The following SLC28A1 variants were observed in gnomAD, a reference collection of about 807,000 sequenced individuals.
SLC28A1 encodes the protein solute carrier family 28 member 1.
A neutral mutation model predicts 74.8 loss-of-function variants in SLC28A1; 64 were observed. The ratio of observed to expected loss-of-function variants is 0.86; its 90% CI spans 0.70 to 1.05. The LOEUF (loss-of-function observed/expected upper bound fraction) is 1.05. SLC28A1 is among the 50% of genes least tolerant of loss of function. SLC28A1 has a pLI of 0.00. For missense variants in SLC28A1, 828 were observed against 822.8 expected (o/e 1.01, Z -0.08); for synonymous variants, 359 against 335.0 (o/e 1.07, Z -0.78).
chr15:84,951,120 A>T, the SLC28A1 span, among the ~76,000 whole-genome samples: 1 of 152,168 alleles, frequency 6.6e-6, no homozygotes, highest in Non-Finnish European at 1.5e-5. Context: ...TGGACCATGA[A>T]GACAAAGGCA....
intron 15 of SLC28A1, chr15:84,939,704 T>G (rs761196420): frequency 6.6e-6 from 1 of 152,184 alleles, no homozygotes; most frequent in Non-Finnish European, 1.5e-5. Context: ...TTTTAATATA[T>G]GTGCACAAGA....
At chr15:84,960,228 C>CTTTTTTTTTTTTTTTTT in the SLC28A1 span, among the ~76,000 whole-genome samples, 1 of 85,588 alleles carries the variant, frequency 1.2e-5, no homozygotes, top group East Asian at 3.6e-4. Context: ...TGCCTGCCTG[C>CTTTTTTTTTTTTTTTTT]TTTTTTTTTT....
downstream of SLC28A1, among the ~76,000 whole-genome samples, chr15:84,948,802 C>T (rs1216493450): frequency 6.6e-6 from 1 of 152,190 alleles, no homozygotes; most frequent in African/African-American, 2.4e-5. Flanking sequence ...TTTGCTTAAA[C>T]CTCATCAAGA....
At chr15:84,912,453 G>T (rs1289169617) in intron 9 of SLC28A1, among the ~76,000 whole-genome samples, 1 of 152,122 alleles carries the variant, frequency 6.6e-6, no homozygotes, top group African/African-American at 2.4e-5. Flanking sequence ...GGCTTCTTCA[G>T]CCCTCAGCTT....
chr15:84,966,985 T>C, the SLC28A1 span, among the ~76,000 whole-genome samples: 1 of 152,174 alleles, frequency 6.6e-6, no homozygotes, highest in Non-Finnish European at 1.5e-5. Context: ...CTTGCTATGT[T>C]GCCCAGGTTG....
downstream of SLC28A1, among the ~76,000 whole-genome samples, chr15:84,948,588 G>T (rs1368545236): frequency 6.6e-6 from 1 of 152,162 alleles, no homozygotes; most frequent in African/African-American, 2.4e-5. Flanking sequence ...TGGGGCTATG[G>T]CTTGGAGCTG....
rs1970938196 is a variant in SLC28A1, at chr15:84,928,736, G to A, written c.1084-4409G>A. On this transcript the variant is annotated intron_variant, in intron 12 of 18. Transcript: ENST00000394573. ...CCTCCCAGGTTCAAGCAATTCTCCT[G>A]CCTCAGCCTCCCAAGTAGCTGGGAT... 3.3e-5 allele frequency among the ~76,000 whole-genome samples: 5 copies of A among 150,670 alleles called. No homozygotes were observed. The South Asian group carries it at 1.1e-3, about 32-fold the overall frequency.
chr15:84,929,543 CAAA>C (rs58184497), intron 12 of SLC28A1, among the ~76,000 whole-genome samples: 68,464 of 144,394 alleles, frequency 0.47, 16,743 homozygotes, highest in East Asian at 0.85. Context: ...GACTCTGTTT[CAAA>C]AAAAAAAAAA....
chr15:84,891,590 C>A (rs1965374851), intron 5 of SLC28A1, among the ~76,000 whole-genome samples: 1 of 152,100 alleles, frequency 6.6e-6, no homozygotes, highest in South Asian at 2.1e-4. Context: ...TGGCGGCAGC[C>A]AAAGGAGCAA....
chr15:84,902,731 G>GTTTTTTTTTTTTT (rs200395938), intron 6 of SLC28A1, among the ~76,000 whole-genome samples: 2 of 140,010 alleles, frequency 1.4e-5, no homozygotes, highest in Non-Finnish European at 1.6e-5. Context: ...AAGCATTTAA[G>GTTTTTTTTTTTTT]TTTTTTTTTT....
chr15:84,944,557 C>G lies in SLC28A1; in HGVS notation c.1664-9C>G. On this transcript the variant is annotated splice_polypyrimidine_tract_variant and intron_variant, in intron 16 of 18. Transcript: ENST00000394573. ...TTCCCAGGCCCTGAGCACTTCTGTCCCCTTGCAGCCTCCATGGTCCCCCAA... is the reference window on the plus strand; with the variant it reads ...TTCCCAGGCCCTGAGCACTTCTGTCGCCTTGCAGCCTCCATGGTCCCCCAA... The G allele has an allele frequency of 6.2e-7, 1 of 1,604,910 alleles. No homozygotes were observed. Among genetic ancestry groups the G allele is most frequent in the Admixed American group, 1.7e-5 (1 of 60,018 alleles).
At position 84,899,940 on chromosome 15, in the gene SLC28A1, A is replaced by G. The variant is rs756062397; in HGVS notation, c.462-4157A>G. ...GAGGGAAAGAGGGAAAGAAAGAAAG[A>G]AAGGAAGGAAGGAAGGAAGGAAGGA... On this transcript the variant is annotated intron_variant, in intron 6 of 18. Coordinates refer to ENST00000394573, the MANE Select transcript of SLC28A1 (RefSeq NM_004213.5). Among the ~76,000 whole-genome samples the G allele has an allele frequency of 4.5e-3, 620 of 136,906 alleles. 7 individuals carry two copies. Among genetic ancestry groups the G allele is most frequent in the African/African-American group, 0.015 (544 of 37,430 alleles). 89.8% of individuals were successfully genotyped at this position (136,906 alleles called of 152,430 possible).
Position 84,945,387 on chromosome 15 carries a change from CAT to C in SLC28A1, c.*188_*189del. 1.5e-6 allele frequency: 1 copy of C among 650,704 alleles called. No homozygotes were observed. 40.3% of individuals were successfully genotyped at this position (650,704 alleles called of 1,614,324 possible). On this transcript the variant is annotated 3_prime_UTR_variant, in exon 19 of 19. Transcript: ENST00000394573. The stretch of plus-strand genomic sequence containing the variant: ...GAGTGAGTGAGGACATAAGGAAGGA[CAT>C]GTCCCACTCCATCCCCCTTCCTGCT...
rs192206722 is a variant in SLC28A1, at chr15:84,945,226, G to T, written c.*26G>T. 1.9e-6 allele frequency: 3 copies of T among 1,603,632 alleles called. No homozygotes were observed. On this transcript the variant is annotated 3_prime_UTR_variant, in exon 19 of 19. Transcript: ENST00000394573. ...GGACAGAACATGCTTGTGCTTCTGC[G>T]CTTCTGAGGGCTGTTCTCCCCCGGG...
At chr15:84,956,472 T>TTTCC in the SLC28A1 span, among the ~76,000 whole-genome samples, 4 of 77,648 alleles carry the variant, frequency 5.2e-5, no homozygotes, top group Non-Finnish European at 1.2e-4. Flanking sequence ...TCTTTCCTTC[T>TTTCC]TTCTTTCTTT....
intron 11 of SLC28A1, 111 bp from the exon 12 acceptor site, chr15:84,923,874 A>G: frequency 2.1e-6 from 3 of 1,438,708 alleles, no homozygotes; most frequent in Non-Finnish European, 2.9e-6. Context: ...TCCTTACCCC[A>G]TCCTGCTGCC....
At chr15:84,888,543 G>A (rs536603230) in intron 3 of SLC28A1, among the ~76,000 whole-genome samples, 7 of 152,224 alleles carry the variant, frequency 4.6e-5, no homozygotes, top group South Asian at 2.1e-4. Flanking sequence ...CTGTCCCTGC[G>A]CAGACCATGA....
the SLC28A1 span, among the ~76,000 whole-genome samples, chr15:84,959,848 A>G: frequency 1.3e-5 from 2 of 152,198 alleles, no homozygotes; most frequent in African/African-American, 2.4e-5. Flanking sequence ...TCTGTCCTCA[A>G]ATCTATGGTG....
At chr15:84,884,980 G>A (rs1964411098) in intron 1 of SLC28A1, among the ~76,000 whole-genome samples, 1 of 152,068 alleles carries the variant, frequency 6.6e-6, no homozygotes. Flanking sequence ...TGTTTTTGAG[G>A]TAGAGTCTCG....
Sources: allele counts gnomAD v4.1 joint callset (sites outside exome capture counted in the v4.1 genomes callset), GRCh38; gene constraint gnomAD v4.1.1; transcripts MANE v1.5; gene names NCBI Gene and HGNC (gene_info 2026-07-23, HGNC 2026-07-21).